The following ZNF420 variants were observed in gnomAD, a reference collection of about 807,000 sequenced individuals.
ZNF420 encodes the protein zinc finger protein 420.
ZNF420 carries 31 observed loss-of-function variants against 44.7 expected under a neutral mutation model. That is an observed-to-expected ratio of 0.69 (90% CI 0.52 to 0.94). The LOEUF (loss-of-function observed/expected upper bound fraction) is 0.94, where lower values mean the gene tolerates loss of function less well. ZNF420 is among the 40% of genes least tolerant of loss of function. The pLI is 0.00. For synonymous variants in ZNF420, 245 were observed against 267.4 expected, an observed-to-expected ratio of 0.92 and a Z score of 0.82; for missense variants, 681 against 827.9, an observed-to-expected ratio of 0.82 and a Z score of 2.18.
At chr19:37,044,594 G>C (rs994022604) in intron 1 of ZNF420, among the ~76,000 whole-genome samples, 1 of 152,124 alleles carries the variant, frequency 6.6e-6, no homozygotes, top group East Asian at 1.9e-4. Context: ...GGCCGGGTGC[G>C]GTGGCTCATG....
intron 1 of ZNF420, among the ~76,000 whole-genome samples, chr19:37,055,549 C>T (rs1360057855): frequency 6.6e-6 from 1 of 152,186 alleles, no homozygotes; most frequent in Non-Finnish European, 1.5e-5. Context: ...CACGCAGAGC[C>T]GAAACCGTTT....
At chr19:37,069,439 G>A (rs1305845242) in intron 1 of ZNF420, among the ~76,000 whole-genome samples, 1 of 151,948 alleles carries the variant, frequency 6.6e-6, no homozygotes, top group Admixed American at 6.6e-5. Context: ...GACTCAATGG[G>A]GTTATGCCCT....
chr19:37,011,502 T>C (rs1187138338), intron 1 of ZNF420, among the ~76,000 whole-genome samples: 1 of 152,184 alleles, frequency 6.6e-6, no homozygotes, highest in Non-Finnish European at 1.5e-5. Context: ...GGGATTGGGC[T>C]GGGGCTGGGT....
At chr19:37,091,939 A>AAAC (rs1969175615) in intron 4 of ZNF420, 1 of 151,776 alleles carries the variant, frequency 6.6e-6, no homozygotes. Context: ...CAAAAAACAA[A>AAAC]AAAAAAAGAA....
chr19:37,008,214 C>T (rs1004413312), intron 1 of ZNF420: 2 of 298,228 alleles, frequency 6.7e-6, no homozygotes, highest in East Asian at 1.4e-4. Context: ...TTGCCTGGGG[C>T]GGGCGGGGGG....
chr19:37,089,909 C>T (rs1969037393), intron 3 of ZNF420, among the ~76,000 whole-genome samples: 1 of 152,080 alleles, frequency 6.6e-6, no homozygotes, highest in Non-Finnish European at 1.5e-5. Context: ...AAAATATTTA[C>T]TAAATTATTG....
At chr19:37,049,340 A>G (rs895634285) in intron 1 of ZNF420, among the ~76,000 whole-genome samples, 2 of 152,178 alleles carry the variant, frequency 1.3e-5, no homozygotes, top group African/African-American at 2.4e-5. Context: ...CAACAGTGTA[A>G]AAGTGTTCCT....
chr19:37,108,558 G>A (rs1207689637), intron 4 of ZNF420, among the ~76,000 whole-genome samples: 1 of 152,124 alleles, frequency 6.6e-6, no homozygotes, highest in Non-Finnish European at 1.5e-5. Context: ...GTATAAAATG[G>A]CTTATGATCT....
In ZNF420 at chr19:37,128,336, T is replaced by C; in HGVS notation, c.1345T>C (p.Cys449Arg). The C allele has an allele frequency of 6.2e-7, 1 of 1,614,012 alleles. No individual in the cohort carries two copies. Among genetic ancestry groups the C allele is most frequent in the African/African-American group, 1.3e-5 (1 of 75,022 alleles). ...TCATACTGGTGAGAAACCCTATGAA[T>C]GTAAAGAATGTGGAAAAACCTTTAG... ...RIHTGEKPYE[C>R]KECGKTFSRG... The change falls in exon 5 of 5, where the codon TGT (cysteine) becomes CGT (arginine). Residue 449 changes from cysteine to arginine, a missense_variant. Physicochemically the swap from Cys to Arg is radical, Grantham distance 180. Coordinates refer to ENST00000337995, the MANE Select transcript of ZNF420 (RefSeq NM_144689.5).
At position 37,129,438 on chromosome 19, in the gene ZNF420, G is replaced by A. The variant is rs1184979773; in HGVS notation, c.*380G>A. The A allele has an allele frequency of 2.2e-5, 4 of 183,262 alleles. No individual in the cohort carries two copies. The highest frequency in any genetic ancestry group is 5.4e-5 in the Admixed American group (1 of 18,494). The allele number at this position is 183,262 out of a possible 1,614,324, so 11.4% of individuals were successfully genotyped here. Reference sequence around the variant, plus strand: ...ATATTACCTTTATTGTAAGATTCTTGGAAGTATTATGTAAGTTATTACATG... The same window carrying A: ...ATATTACCTTTATTGTAAGATTCTTAGAAGTATTATGTAAGTTATTACATG... On this transcript the variant is annotated 3_prime_UTR_variant, in exon 5 of 5. Coordinates refer to ENST00000337995, the MANE Select transcript of ZNF420 (RefSeq NM_144689.5).
chr19:37,123,460 A>G (rs556790790), intron 4 of ZNF420, among the ~76,000 whole-genome samples: 1 of 152,210 alleles, frequency 6.6e-6, no homozygotes, highest in South Asian at 2.1e-4. Flanking sequence ...TTTTCAGAAC[A>G]CTAAGATACA....
At position 37,129,871 on chromosome 19, in the gene ZNF420, T is replaced by C. The variant is rs1265580689; in HGVS notation, c.*813T>C. 1.3e-5 allele frequency: 13 copies of C among 973,764 alleles called. No homozygotes were observed. The highest frequency in any genetic ancestry group is 1.8e-5 in the Non-Finnish European group (13 of 705,622). The allele number at this position is 973,764 out of a possible 1,614,324, so 60.3% of individuals were successfully genotyped here. On this transcript the variant is annotated 3_prime_UTR_variant, in exon 5 of 5. Coordinates refer to ENST00000337995, the MANE Select transcript of ZNF420 (RefSeq NM_144689.5). ...ATCCAAAGTCTAATAAATCTAGGAA[T>C]TTTTTAAAAACTTGAATGTATTGCT...
intron 4 of ZNF420, among the ~76,000 whole-genome samples, chr19:37,113,533 A>G (rs1310178524): frequency 6.6e-6 from 1 of 152,134 alleles, no homozygotes; most frequent in Non-Finnish European, 1.5e-5. Context: ...CATCAACTCC[A>G]CTATGACCTT....
At chr19:37,029,490 A>G (rs1967213624) in intron 1 of ZNF420, among the ~76,000 whole-genome samples, 1 of 151,866 alleles carries the variant, frequency 6.6e-6, no homozygotes, top group African/African-American at 2.4e-5. Flanking sequence ...TTGAGAGTCA[A>G]TATTTTAATT....
intron 1 of ZNF420, among the ~76,000 whole-genome samples, chr19:37,040,797 A>T (rs1967439298): frequency 6.6e-6 from 1 of 152,170 alleles, no homozygotes; most frequent in African/African-American, 2.4e-5. Context: ...TTAAGTGATT[A>T]AAATTCTAGA....
At chr19:37,124,209 A>G (rs1448955752) in intron 4 of ZNF420, among the ~76,000 whole-genome samples, 1 of 152,210 alleles carries the variant, frequency 6.6e-6, no homozygotes, top group Non-Finnish European at 1.5e-5. Flanking sequence ...TTTCTCACTT[A>G]GCAAAATATA....
chr19:37,021,696 T>C (rs1383531394), intron 1 of ZNF420, among the ~76,000 whole-genome samples: 2 of 151,530 alleles, frequency 1.3e-5, no homozygotes, highest in Non-Finnish European at 2.9e-5. Context: ...CTCAGCACTT[T>C]GGGAGGCCAA....
chr19:37,041,307 T>G (rs1408413117), intron 1 of ZNF420, among the ~76,000 whole-genome samples: 5 of 115,142 alleles, frequency 4.3e-5, no homozygotes, highest in African/African-American at 1.8e-4. Context: ...TGAAACACTA[T>G]CTCAAAAAAA....
chr19:37,113,363 T>C (rs930527906), intron 4 of ZNF420, among the ~76,000 whole-genome samples: 5 of 152,214 alleles, frequency 3.3e-5, no homozygotes, highest in Non-Finnish European at 5.9e-5. Context: ...CTAAAGCAAG[T>C]CCCGTTATTG....
Sources: gnomAD v4.1 joint callset for allele counts (sites outside exome capture counted in the v4.1 genomes callset) on GRCh38, gnomAD v4.1.1 for gene constraint, MANE v1.5 for transcripts, NCBI Gene and HGNC (gene_info 2026-07-23, HGNC 2026-07-21) for gene names.